The following MAST4 variants were observed in gnomAD, a reference collection of about 807,000 sequenced individuals.
MAST4 encodes the protein microtubule associated serine/threonine kinase family member 4.
In MAST4, 89 loss-of-function variants were observed where a neutral mutation model predicts 162.7. That is an observed-to-expected ratio of 0.55 (90% CI 0.46 to 0.65). MAST4 has a LOEUF of 0.65. Among genes scored for constraint, MAST4 ranks in the 30% least tolerant of loss-of-function variants. MAST4 has a pLI of 0.00. For synonymous variants in MAST4, 1,479 were observed against 1,361.1 expected, an observed-to-expected ratio of 1.09 and a Z score of -1.91; for missense variants, 3,153 against 3,374.0, an observed-to-expected ratio of 0.93 and a Z score of 1.62.
At chr5:67,133,460 T>C in intron 16 of MAST4, 54 bp from the exon 17 acceptor site, 2 of 1,586,028 alleles carry the variant, frequency 1.3e-6, no homozygotes, top group South Asian at 1.1e-5. Context: ...GAAATGAAAA[T>C]AGATAACCAG....
intron 4 of MAST4, among the ~76,000 whole-genome samples, chr5:66,946,842 G>A (rs905515347): frequency 1.3e-5 from 2 of 152,122 alleles, no homozygotes; most frequent in African/African-American, 2.4e-5. Context: ...ATGCATAAAA[G>A]CACATAGTAA....
At chr5:67,091,999 G>T (rs1300858708) in intron 6 of MAST4, among the ~76,000 whole-genome samples, 1 of 152,156 alleles carries the variant, frequency 6.6e-6, no homozygotes, top group Non-Finnish European at 1.5e-5. Flanking sequence ...AGAACCCTGT[G>T]TTATGAAAAC....
chr5:66,921,474 C>T (rs544831679), intron 4 of MAST4, among the ~76,000 whole-genome samples: 8 of 152,104 alleles, frequency 5.3e-5, no homozygotes, highest in African/African-American at 7.2e-5. Flanking sequence ...ATTAAAACTG[C>T]GGCCAGGCAT....
At chr5:66,895,110 C>T (rs1288265239) in intron 3 of MAST4, among the ~76,000 whole-genome samples, 2 of 152,134 alleles carry the variant, frequency 1.3e-5, no homozygotes, top group African/African-American at 4.8e-5. Flanking sequence ...CACTTTCTGA[C>T]GTCGTCTGCC....
intron 4 of MAST4, chr5:66,917,500 T>C (rs371389176): frequency 2.0e-5 from 3 of 152,330 alleles, no homozygotes; most frequent in Non-Finnish European, 2.9e-5. Context: ...CCCAAGGTCA[T>C]GCAGATATTC....
rs147121563 is a variant in MAST4, at chr5:67,025,653, C to T, written c.675-28751C>T. 2.8e-3 allele frequency among the ~76,000 whole-genome samples: 423 copies of T among 152,112 alleles called. 3 individuals are homozygous for T. Among genetic ancestry groups the T allele is most frequent in the African/African-American group, 9.8e-3 (406 of 41,522 alleles). On this transcript the variant is annotated intron_variant, in intron 4 of 28. Coordinates refer to ENST00000403625, the MANE Select transcript of MAST4 (RefSeq NM_001164664.2). ...CTGGCATAATTGAGGGGATGTTATA[C>T]AAAAAAAGTAACCTTTGATTTACCT...
At chr5:67,005,440 G>A (rs1036235707) in intron 4 of MAST4, among the ~76,000 whole-genome samples, 5 of 152,140 alleles carry the variant, frequency 3.3e-5, no homozygotes, top group African/African-American at 1.2e-4. Flanking sequence ...CAGTCATTGA[G>A]GCTTCTGGTA....
chr5:66,867,307 C>T (rs25842), intron 3 of MAST4, among the ~76,000 whole-genome samples: 45,498 of 152,000 alleles, frequency 0.3, 7,068 homozygotes, highest in East Asian at 0.53. Flanking sequence ...ATGTTAGCAA[C>T]TAAATTCACT....
At chr5:66,968,223 T>C (rs927170028) in intron 4 of MAST4, among the ~76,000 whole-genome samples, 5 of 152,222 alleles carry the variant, frequency 3.3e-5, no homozygotes, top group Non-Finnish European at 5.9e-5. Flanking sequence ...TCCTGGATGA[T>C]AACCACTCAA....
At chr5:67,005,138 G>T (rs1380608273) in intron 4 of MAST4, 1 of 721,642 alleles carries the variant, frequency 1.4e-6, no homozygotes, top group East Asian at 2.6e-5. Flanking sequence ...CTTCCCAGGG[G>T]CCCACAGGCG....
chr5:66,608,871 T>A (rs915117635), intron 1 of MAST4, among the ~76,000 whole-genome samples: 1 of 152,084 alleles, frequency 6.6e-6, no homozygotes, highest in Non-Finnish European at 1.5e-5. Context: ...ACCTGTGAAT[T>A]AGGATCTTAA....
At chr5:66,959,589 A>G (rs1745750180) in intron 4 of MAST4, among the ~76,000 whole-genome samples, 1 of 152,200 alleles carries the variant, frequency 6.6e-6, no homozygotes, top group South Asian at 2.1e-4. Flanking sequence ...GCCATGGTGT[A>G]TCTGTCTTTT....
Position 67,130,202 on chromosome 5 carries a change from C to T in MAST4, c.1746-8C>T, listed in dbSNP as rs1284779241. ...CCTGTCAACCCCAATACTTCTGCTC[C>T]TTTTCAGGGCAGTCTACTTTGTTCG... On this transcript the variant is annotated splice_region_variant and splice_polypyrimidine_tract_variant and intron_variant, in intron 14 of 28. Coordinates refer to ENST00000403625, the MANE Select transcript of MAST4 (RefSeq NM_001164664.2). 1 of 1,607,908 alleles carries T rather than the reference C, an allele frequency of 6.2e-7. No homozygotes were observed. The highest frequency in any genetic ancestry group is 1.1e-5 in the South Asian group (1 of 90,326).
Position 67,166,163 on chromosome 5 carries a change from C to G in MAST4, c.6984C>G (p.Thr2328=), listed in dbSNP as rs752879254. ...QKLSAVGEKQ[T]LSPKHPKPST... ...TGTCCGCTGTTGGTGAAAAGCAAAC[C>G]CTGTCTCCAAAGCACCCCAAACCAT... The change falls in exon 29 of 29, where the codon ACC becomes ACG. Residue 2328 remains threonine (T), a synonymous_variant. Transcript: ENST00000403625. 1 of 1,563,254 alleles carries G rather than the reference C, an allele frequency of 6.4e-7. No individual in the cohort carries two copies. The highest frequency in any genetic ancestry group is 8.7e-7 in the Non-Finnish European group (1 of 1,153,314).
chr5:66,901,927 A>T (rs573936169), intron 4 of MAST4, among the ~76,000 whole-genome samples: 1 of 152,264 alleles, frequency 6.6e-6, no homozygotes, highest in East Asian at 1.9e-4. Flanking sequence ...AGAAAGGGAA[A>T]ATACTTTTTA....
At chr5:67,131,679 T>C in intron 15 of MAST4, 134 bp from the exon 16 acceptor site, 1 of 763,530 alleles carries the variant, frequency 1.3e-6, no homozygotes, top group Non-Finnish European at 2.1e-6. Context: ...GGTTAACACA[T>C]AGACTCCAGT....
At chr5:66,996,395 ATTAC>A (rs1223663803) in intron 4 of MAST4, among the ~76,000 whole-genome samples, 2 of 152,124 alleles carry the variant, frequency 1.3e-5, no homozygotes, top group African/African-American at 2.4e-5. Context: ...ATTTTAAAAT[ATTAC>A]TTCAGGAGCA....
At chr5:66,784,732 T>C (rs1240113915) in intron 2 of MAST4, among the ~76,000 whole-genome samples, 1 of 152,216 alleles carries the variant, frequency 6.6e-6, no homozygotes, top group Admixed American at 6.5e-5. Context: ...TGGTGGAGGA[T>C]GCAGGTCTTA....
chr5:66,845,865 G>A (rs960061874), intron 3 of MAST4, among the ~76,000 whole-genome samples: 2 of 152,144 alleles, frequency 1.3e-5, no homozygotes, highest in Admixed American at 6.5e-5. Context: ...TTATTGGGCA[G>A]TATATATTTG....
Sources: gnomAD v4.1 joint callset for allele counts (sites outside exome capture counted in the v4.1 genomes callset) on GRCh38, gnomAD v4.1.1 for gene constraint, MANE v1.5 for transcripts, NCBI Gene and HGNC (gene_info 2026-07-23, HGNC 2026-07-21) for gene names.